GRIN2B: variants seen among roughly 807,000 people sequenced by gnomAD.
The protein encoded by GRIN2B is glutamate ionotropic receptor NMDA type subunit 2B.
Under a neutral mutation model 114.5 loss-of-function variants are expected in GRIN2B, and 5 were observed. That is an observed-to-expected ratio of 0.04 (90% CI 0.02 to 0.09). GRIN2B has a LOEUF of 0.09. Among genes scored for constraint, GRIN2B ranks in the 10% least tolerant of loss-of-function variants. GRIN2B has a pLI of 1.00. For synonymous variants in GRIN2B, 787 were observed against 745.1 expected (o/e 1.06, Z -0.92); for missense variants, 1,108 against 1,943.5 (o/e 0.57, Z 8.08).
At chr12:13,967,648 T>G (rs927522360) in intron 2 of GRIN2B, among the ~76,000 whole-genome samples, 2 of 152,190 alleles carry the variant, frequency 1.3e-5, no homozygotes, top group Admixed American at 6.5e-5. Flanking sequence ...GACATGAGGG[T>G]GGATGCTGTT....
chr12:13,608,842 CAA>C lies in GRIN2B; in HGVS notation c.1781-12_1781-11del, dbSNP rs779508748. The C allele has an allele frequency of 1.5e-5, 24 of 1,601,978 alleles. No homozygotes were observed. In the South Asian group the frequency reaches 2.4e-4, roughly 16 times the overall value. Reference sequence around the variant, plus strand: ...GAGGGTCCACCAGGCTCTGGCATGACAAAAAGACAAGGACGAAAGTTAAGCCA... The same window carrying C: ...GAGGGTCCACCAGGCTCTGGCATGACAAAGACAAGGACGAAAGTTAAGCCA... On this transcript the variant is annotated splice_polypyrimidine_tract_variant and intron_variant, in intron 9 of 13. Transcript: ENST00000609686.
At chr12:13,708,624 C>A (rs1396609075) in intron 4 of GRIN2B, among the ~76,000 whole-genome samples, 4 of 151,718 alleles carry the variant, frequency 2.6e-5, no homozygotes, top group African/African-American at 9.7e-5. Context: ...TTTTTGAGCA[C>A]TTATTTATGC....
intron 10 of GRIN2B, among the ~76,000 whole-genome samples, chr12:13,600,499 A>ATG (rs201880472): frequency 0.021 from 2,376 of 113,682 alleles, 17 homozygotes; most frequent in Non-Finnish European, 0.035. Flanking sequence ...GTGTGTGTGC[A>ATG]TGTGTGTGTG....
At chr12:13,831,053 A>C (rs1280911534) in intron 3 of GRIN2B, among the ~76,000 whole-genome samples, 1 of 152,104 alleles carries the variant, frequency 6.6e-6, no homozygotes, top group African/African-American at 2.4e-5. Flanking sequence ...GCTGCTGTGA[A>C]AGTCACCCTA....
At position 13,689,577 on chromosome 12, in the gene GRIN2B, C is replaced by G. The variant is rs113940516; in HGVS notation, c.1011-13718G>C. Among the ~76,000 whole-genome samples the G allele has an allele frequency of 5.0e-3, 768 of 152,276 alleles. 13 individuals carry two copies. The highest frequency in any genetic ancestry group is 0.017 in the African/African-American group (711 of 41,568). On this transcript the variant is annotated intron_variant, in intron 4 of 13. Transcript: ENST00000609686. ...CATACCCAGATACTTGCAACAGCCT[C>G]CTCCTGGGCCCTTTGCCTTATATCA...
chr12:13,642,192 ACAAACAAAC>A (rs141621215), intron 5 of GRIN2B, among the ~76,000 whole-genome samples: 9,674 of 79,894 alleles, frequency 0.12, 407 homozygotes, highest in South Asian at 0.2. Context: ...CTGTCTCAAA[ACAAACAAAC>A]AAACAAACAA....
intron 4 of GRIN2B, among the ~76,000 whole-genome samples, chr12:13,711,769 C>T (rs1398434682): frequency 6.6e-6 from 1 of 152,166 alleles, no homozygotes; most frequent in African/African-American, 2.4e-5. Flanking sequence ...AACACTTTTA[C>T]ACTGTTGGTG....
intron 5 of GRIN2B, among the ~76,000 whole-genome samples, chr12:13,669,880 G>T (rs1215803281): frequency 1.3e-5 from 2 of 152,080 alleles, no homozygotes; most frequent in Non-Finnish European, 2.9e-5. Context: ...AGTCCTTAGG[G>T]GCTAGGATCA....
At chr12:13,887,769 G>C (rs1448610313) in intron 2 of GRIN2B, among the ~76,000 whole-genome samples, 1 of 152,200 alleles carries the variant, frequency 6.6e-6, no homozygotes, top group Non-Finnish European at 1.5e-5. Context: ...AAAGAAGAGA[G>C]GGACAACTGA....
In GRIN2B at chr12:13,615,130, T is replaced by G. The variant is rs1949419505; in HGVS notation, c.1638A>C (p.Ser546=). The G allele has an allele frequency of 6.2e-7, 1 of 1,613,296 alleles. No individual in the cohort carries two copies. Among genetic ancestry groups the G allele is most frequent in the East Asian group, 2.2e-5 (1 of 44,858 alleles). The change falls in exon 8 of 14, where the codon TCA becomes TCC. Residue 546 remains serine, a synonymous_variant. Transcript: ENST00000609686. This position sits in a 1 kb window ranked among gnomAD's most constrained non-coding sequence, Gnocchi z 5.8. ...VMVSRSNGTV[S]PSAFLEPFSA... ...ATCATTTACCTAAGAAGGCAGAAGG[T>G]GAGACAGTCCCATTGCTGCGTGACA...
chr12:13,784,316 C>T (rs1465654975), intron 3 of GRIN2B, among the ~76,000 whole-genome samples: 5 of 149,046 alleles, frequency 3.4e-5, no homozygotes, highest in Non-Finnish European at 5.9e-5. Context: ...AAATAGGAAG[C>T]TTCCTGAAGT....
rs184814516 is a variant in GRIN2B, at chr12:13,863,073, C to A, written c.411+2725G>T. ...CCTCCTTATTTGGCGGAGAGAAAGACATGATGGAATATTTGGGTGTGGTAG... is the reference window on the plus strand; with the variant it reads ...CCTCCTTATTTGGCGGAGAGAAAGAAATGATGGAATATTTGGGTGTGGTAG... On this transcript the variant is annotated intron_variant, in intron 3 of 13. Coordinates refer to ENST00000609686, the MANE Select transcript of GRIN2B (RefSeq NM_000834.5). Among the ~76,000 whole-genome samples the A allele has an allele frequency of 4.6e-5, 7 of 152,314 alleles. No homozygotes were observed. The East Asian group carries it at 1.3e-3, about 29-fold the overall frequency.
intron 3 of GRIN2B, among the ~76,000 whole-genome samples, chr12:13,829,882 G>C (rs1865116069): frequency 6.6e-6 from 1 of 152,186 alleles, no homozygotes; most frequent in Non-Finnish European, 1.5e-5. Flanking sequence ...GCCTCAAAGA[G>C]TCTTCTCCTT....
chr12:13,579,875 T>C (rs985633620), intron 10 of GRIN2B, among the ~76,000 whole-genome samples: 3 of 152,220 alleles, frequency 2.0e-5, no homozygotes, highest in Non-Finnish European at 2.9e-5. Context: ...GAAAGGCTTC[T>C]AGAAGGAGGC....
rs1377399897 is a variant in GRIN2B at position 13,696,679 on chromosome 12, G to A, written c.1011-20820C>T. Among the ~76,000 whole-genome samples, 6 of 152,148 alleles carry A rather than the reference G, an allele frequency of 3.9e-5. No individual in the cohort carries two copies. In the South Asian group the frequency reaches 6.2e-4, roughly 16 times the overall value. On this transcript the variant is annotated intron_variant, in intron 4 of 13. Transcript: ENST00000609686. ...ATGGACTTGGGCTCCCTCTCATTAC[G>A]GCATCATATTACAGGAACATGTTTA...
chr12:13,730,506 C>A (rs1863070622), intron 4 of GRIN2B, among the ~76,000 whole-genome samples: 1 of 152,108 alleles, frequency 6.6e-6, no homozygotes, highest in Non-Finnish European at 1.5e-5. Context: ...GATGAAGAAG[C>A]AAGCCCAGAC....
chr12:13,852,387 G>A (rs1319440823), intron 3 of GRIN2B, among the ~76,000 whole-genome samples: 4 of 152,226 alleles, frequency 2.6e-5, no homozygotes, highest in Non-Finnish European at 5.9e-5. Flanking sequence ...CATTTAGTTA[G>A]AGGAAAGCCA....
intron 3 of GRIN2B, among the ~76,000 whole-genome samples, chr12:13,834,797 GTAAA>G (rs1292484122): frequency 1.1e-4 from 16 of 152,332 alleles, no homozygotes; most frequent in African/African-American, 3.8e-4. Flanking sequence ...ATCTAAGCCA[GTAAA>G]TCTCAACTTC....
intron 3 of GRIN2B, among the ~76,000 whole-genome samples, chr12:13,780,082 T>C (rs1864078854): frequency 6.6e-6 from 1 of 152,218 alleles, no homozygotes; most frequent in East Asian, 1.9e-4. Context: ...AACTCATTTC[T>C]CAGCCACTGC....
Sources: allele counts gnomAD v4.1 joint callset (sites outside exome capture counted in the v4.1 genomes callset), GRCh38; gene constraint gnomAD v4.1.1; non-coding constraint Gnocchi (gnomAD v3.1); transcripts MANE v1.5; gene names NCBI Gene and HGNC (gene_info 2026-07-23, HGNC 2026-07-21).